Variants in FAF1 observed in about 807,000 individuals in gnomAD.
The protein encoded by FAF1 is Fas associated factor 1.
Under a neutral mutation model 92.5 loss-of-function variants are expected in FAF1, and 25 were observed. The observed-to-expected ratio is 0.27, with a 90% CI of 0.20 to 0.38. The LOEUF (loss-of-function observed/expected upper bound fraction) is 0.38, where lower values mean the gene tolerates loss of function less well. Ranked by LOEUF, FAF1 falls within the 10% of genes least tolerant of loss-of-function variation. FAF1 has a pLI of 1.00. For missense variants in FAF1, 636 were observed against 793.3 expected (o/e 0.80, Z 2.38); for synonymous variants, 234 against 273.2 (o/e 0.86, Z 1.42).
intron 7 of FAF1, among the ~76,000 whole-genome samples, chr1:50,692,996 T>C (rs879533672): frequency 1.3e-5 from 2 of 152,214 alleles, no homozygotes; most frequent in African/African-American, 4.8e-5. Context: ...TTTGGAAATA[T>C]TTTCTTCCAT....
chr1:50,534,634 C>G (rs1418814443), intron 15 of FAF1, among the ~76,000 whole-genome samples: 2 of 152,180 alleles, frequency 1.3e-5, no homozygotes, highest in African/African-American at 4.8e-5. Context: ...TTATTAAACT[C>G]TTCTTAAATA....
At chr1:50,463,477 T>C (rs950810719) in intron 18 of FAF1, among the ~76,000 whole-genome samples, 1 of 152,144 alleles carries the variant, frequency 6.6e-6, no homozygotes, top group Admixed American at 6.5e-5. Flanking sequence ...TATATGAAAA[T>C]GTTTTCTGTT....
intron 4 of FAF1, among the ~76,000 whole-genome samples, chr1:50,782,960 G>GA (rs879480940): frequency 4.7e-5 from 7 of 150,082 alleles, no homozygotes; most frequent in Admixed American, 2.0e-4. Context: ...GAAATAATAG[G>GA]AAAAAAATCA....
chr1:50,471,802 T>C (rs1646576129), intron 18 of FAF1, among the ~76,000 whole-genome samples: 1 of 152,144 alleles, frequency 6.6e-6, no homozygotes, highest in South Asian at 2.1e-4. Context: ...CACTTTCCAA[T>C]TGTAGACAGA....
intron 8 of FAF1, among the ~76,000 whole-genome samples, chr1:50,628,727 C>T (rs1396754833): frequency 2.0e-5 from 3 of 152,150 alleles, no homozygotes; most frequent in South Asian, 2.1e-4. Context: ...ACCTAGTTAC[C>T]GTTTTCATCT....
chr1:50,861,751 C>T (rs575914080), intron 1 of FAF1, among the ~76,000 whole-genome samples: 1 of 151,488 alleles, frequency 6.6e-6, no homozygotes, highest in African/African-American at 2.4e-5. Flanking sequence ...AGAAGAGATA[C>T]CAAAGAATTT....
At chr1:50,842,960 G>A (rs180833216) in intron 2 of FAF1, among the ~76,000 whole-genome samples, 2 of 152,062 alleles carry the variant, frequency 1.3e-5, no homozygotes, top group African/African-American at 4.8e-5. Flanking sequence ...CATCCCCTGT[G>A]CCTAAAACAG....
At chr1:50,575,356 C>T (rs909284822) in intron 12 of FAF1, among the ~76,000 whole-genome samples, 3 of 152,212 alleles carry the variant, frequency 2.0e-5, no homozygotes, top group Middle Eastern at 3.4e-3. Flanking sequence ...AACAAATATA[C>T]TATTTAGTAG....
intron 6 of FAF1, among the ~76,000 whole-genome samples, chr1:50,711,333 T>C (rs1303806011): frequency 6.6e-6 from 1 of 152,228 alleles, no homozygotes; most frequent in Non-Finnish European, 1.5e-5. Flanking sequence ...AGCAAAAGGA[T>C]CTACAGTGCT....
chr1:50,589,081 A>G (rs1166972402), intron 9 of FAF1, among the ~76,000 whole-genome samples: 2 of 152,188 alleles, frequency 1.3e-5, no homozygotes, highest in Admixed American at 6.5e-5. Context: ...TAGGGGCAGG[A>G]GCCAAGGGGC....
At chr1:50,694,792 CAAAAAAA>C (rs371721063) in intron 7 of FAF1, among the ~76,000 whole-genome samples, 2,762 of 55,794 alleles carry the variant, frequency 0.05, 66 homozygotes, top group South Asian at 0.25. Context: ...CTAAAAAATA[CAAAAAAA>C]AAAAAAAAAA....
At chr1:50,518,512 C>T (rs1349883131) in intron 15 of FAF1, among the ~76,000 whole-genome samples, 1 of 151,772 alleles carries the variant, frequency 6.6e-6, no homozygotes, top group Non-Finnish European at 1.5e-5. Flanking sequence ...GCCATCTCGG[C>T]TCACTGCAAG....
chr1:50,641,915 T>C (rs888327471), intron 8 of FAF1, among the ~76,000 whole-genome samples: 4 of 152,052 alleles, frequency 2.6e-5, no homozygotes, highest in Admixed American at 6.6e-5. Flanking sequence ...TAATATTCCT[T>C]GTTCTGGCCA....
At chr1:50,639,933 C>CAAAAAAAAAAAAAAAAAA (rs1197342810) in intron 8 of FAF1, among the ~76,000 whole-genome samples, 2 of 70,158 alleles carry the variant, frequency 2.9e-5, no homozygotes, top group East Asian at 5.0e-4. Context: ...GACTCGATCT[C>CAAAAAAAAAAAAAAAAAA]AAAAAAAAAA....
intron 2 of FAF1, among the ~76,000 whole-genome samples, chr1:50,849,603 A>G (rs1644331273): frequency 1.3e-5 from 2 of 152,154 alleles, no homozygotes; most frequent in Admixed American, 6.5e-5. Context: ...GTCTATACAG[A>G]CTATATAGAC....
chr1:50,693,223 A>C (rs1569779201), intron 7 of FAF1, among the ~76,000 whole-genome samples: 1 of 152,036 alleles, frequency 6.6e-6, no homozygotes, highest in African/African-American at 2.4e-5. Context: ...GATTTAAGTT[A>C]ATTTTTCTTT....
At chr1:50,645,089 A>G (rs1654522652) in intron 8 of FAF1, among the ~76,000 whole-genome samples, 1 of 152,060 alleles carries the variant, frequency 6.6e-6, no homozygotes, top group East Asian at 1.9e-4. Flanking sequence ...TGCCTGTGTT[A>G]TTTGCAAAAG....
At chr1:50,458,432 A>T (rs1052903319) in intron 18 of FAF1, among the ~76,000 whole-genome samples, 1 of 152,160 alleles carries the variant, frequency 6.6e-6, no homozygotes, top group African/African-American at 2.4e-5. Context: ...CTTTCAGGGA[A>T]CTAATACCTG....
chr1:50,635,382 A>G (rs1653964001), intron 8 of FAF1, among the ~76,000 whole-genome samples: 1 of 152,076 alleles, frequency 6.6e-6, no homozygotes, highest in Non-Finnish European at 1.5e-5. Context: ...AAAGAATCTA[A>G]ATTATTTTTA....
Sources: gnomAD v4.1 joint callset for allele counts (sites outside exome capture counted in the v4.1 genomes callset) on GRCh38, gnomAD v4.1.1 for gene constraint, MANE v1.5 for transcripts, NCBI Gene and HGNC (gene_info 2026-07-23, HGNC 2026-07-21) for gene names.